Variants in SPDYA observed in about 807,000 individuals in gnomAD.
SPDYA encodes speedy/RINGO cell cycle regulator family member A.
In SPDYA, 11 loss-of-function variants were observed where a neutral mutation model predicts 36.7. That is an observed-to-expected ratio of 0.30 (90% CI 0.19 to 0.50). SPDYA has a LOEUF of 0.50. SPDYA is among the 20% of genes least tolerant of loss of function. The pLI is 0.98. For synonymous variants in SPDYA, 115 were observed against 118.7 expected, an observed-to-expected ratio of 0.97 and a Z score of 0.20; for missense variants, 287 against 370.9, an observed-to-expected ratio of 0.77 and a Z score of 1.86.
At chr2:28,826,604 T>C (rs1668326325) in intron 5 of SPDYA, among the ~76,000 whole-genome samples, 2 of 135,496 alleles carry the variant, frequency 1.5e-5, no homozygotes, top group South Asian at 2.3e-4. Context: ...TTTTTCTTTC[T>C]TTCTCTCTTT....
At chr2:28,844,803 G>GCAC in intron 7 of SPDYA, among the ~76,000 whole-genome samples, 1 of 151,812 alleles carries the variant, frequency 6.6e-6, no homozygotes, top group African/African-American at 2.4e-5. Flanking sequence ...GCATGGTGCG[G>GCAC]GTGCCTGTAG....
Position 28,850,368 on chromosome 2 carries a change from G to A in SPDYA, c.*427G>A. ...GCCAGTGTACTGGTCTAGCAACATA[G>A]GGAAATGATCCATATGGAAAATCAG... On this transcript the variant is annotated 3_prime_UTR_variant, in exon 8 of 8. Transcript: ENST00000334056. 1 of 1,610,028 alleles carries A rather than the reference G, an allele frequency of 6.2e-7. No individual in the cohort carries two copies. The highest frequency in any genetic ancestry group is 8.5e-7 in the Non-Finnish European group (1 of 1,177,884).
chr2:28,840,568 C>T, intron 7 of SPDYA, 99 bp downstream of exon 7: 1 of 1,475,740 alleles, frequency 6.8e-7, no homozygotes, highest in Non-Finnish European at 8.9e-7. Flanking sequence ...TTATATACTC[C>T]AACAATATGA....
intron 5 of SPDYA, among the ~76,000 whole-genome samples, chr2:28,828,283 G>A (rs1375303067): frequency 1.7e-4 from 26 of 151,948 alleles, no homozygotes; most frequent in Admixed American, 1.4e-3. Context: ...CACCACGCCC[G>A]GCCCTCATCT....
At position 28,816,231 on chromosome 2, in the gene SPDYA, G is replaced by A. The variant is rs1019066191; in HGVS notation, c.217G>A (p.Ala73Thr). Reference protein sequence around the residue: ...CLVIQRQDMTAFFKLFDDDLI... With the variant: ...CLVIQRQDMTTFFKLFDDDLI... ...GGTTATACAGCGTCAGGATATGACT[G>A]CTTTCTTTAAATTATTTGGTAGGTT... The change falls in exon 3 of 8, where the codon GCT (alanine) becomes ACT (threonine). Residue 73 changes from alanine (A) to threonine (T), a missense_variant. Physicochemically the swap from Ala to Thr is moderately conservative, Grantham distance 58. Coordinates refer to ENST00000334056, the MANE Select transcript of SPDYA (RefSeq NM_182756.4). The A allele has an allele frequency of 1.3e-6, 2 of 1,598,822 alleles. No homozygotes were observed. Among genetic ancestry groups the A allele is most frequent in the East Asian group, 4.5e-5 (2 of 44,700 alleles).
intron 1 of SPDYA, among the ~76,000 whole-genome samples, chr2:28,812,836 G>A (rs1371430952): frequency 8.6e-6 from 1 of 116,574 alleles, no homozygotes; most frequent in Admixed American, 1.2e-4. Context: ...CAGCCTGGGC[G>A]ACAAGAGCGA....
chr2:28,811,798 A>T lies in SPDYA; in HGVS notation c.-93+851A>T, dbSNP rs57266752. Among the ~76,000 whole-genome samples, 5,550 of 150,664 alleles carry T rather than the reference A, an allele frequency of 0.037. 353 individuals are homozygous for T. Among genetic ancestry groups the T allele is most frequent in the African/African-American group, 0.13 (5,277 of 41,034 alleles). ...AACCCGTCTCTACAAAAAATAACTT[A>T]AAAAAAAAGTATCCTGGCATGGTGG... On this transcript the variant is annotated intron_variant, in intron 1 of 7. Transcript: ENST00000334056. The surrounding 1 kb of genome is among the most constrained non-coding windows in gnomAD (Gnocchi z 4.2).
At position 28,822,308 on chromosome 2, in the gene SPDYA, A is replaced by T. The variant is rs1030976983; in HGVS notation, c.295-17A>T. On this transcript the variant is annotated splice_polypyrimidine_tract_variant and intron_variant, in intron 4 of 7. Coordinates refer to ENST00000334056, the MANE Select transcript of SPDYA (RefSeq NM_182756.4). Reference sequence around the variant, plus strand: ...AAGCAAAACATTAATATTAATTTTTAACTTTTTTCCTTATAGTATCTTTTG... The same window carrying T: ...AAGCAAAACATTAATATTAATTTTTTACTTTTTTCCTTATAGTATCTTTTG... The T allele has an allele frequency of 7.7e-6, 10 of 1,304,582 alleles. No homozygotes were observed. The Admixed American group carries it at 1.9e-4, about 25-fold the overall frequency. The allele number at this position is 1,304,582 out of a possible 1,614,324, so 80.8% of individuals were successfully genotyped here. A position where few individuals can be genotyped will look rare whatever the true frequency, so the allele number is the denominator to read the frequency against.
At position 28,816,257 on chromosome 2, in the gene SPDYA, T is replaced by A; in HGVS notation, c.235+8T>A. On this transcript the variant is annotated splice_region_variant and intron_variant, in intron 3 of 7. Coordinates refer to ENST00000334056, the MANE Select transcript of SPDYA (RefSeq NM_182756.4). ...CTTTCTTTAAATTATTTGGTAGGTT[T>A]AAAATATTGTAATAGTGGTAATTAT... is the stretch of plus-strand genomic sequence containing the variant. 6 of 1,561,220 alleles carry A rather than the reference T, an allele frequency of 3.8e-6. No homozygotes were observed. Among genetic ancestry groups the A allele is most frequent in the Non-Finnish European group, 5.2e-6 (6 of 1,146,658 alleles).
At chr2:28,836,499 CTG>C (rs1668606903) in intron 6 of SPDYA, among the ~76,000 whole-genome samples, 1 of 152,138 alleles carries the variant, frequency 6.6e-6, no homozygotes, top group Admixed American at 6.6e-5. Flanking sequence ...AGAACATGTG[CTG>C]TCTTTTCAAA....
At chr2:28,813,638 G>A (rs1011640137) in intron 1 of SPDYA, among the ~76,000 whole-genome samples, 7 of 150,424 alleles carry the variant, frequency 4.7e-5, no homozygotes, top group Admixed American at 1.3e-4. Context: ...TGCAACCTCC[G>A]CCTCCCGGGT....
chr2:28,825,082 ACTTT>A (rs1668284816), intron 5 of SPDYA, among the ~76,000 whole-genome samples: 1 of 152,214 alleles, frequency 6.6e-6, no homozygotes, highest in African/African-American at 2.4e-5. Flanking sequence ...AAGATTAAGT[ACTTT>A]CTAAGAACAA....
rs752026715 is a variant in SPDYA, at chr2:28,823,748, ATT to A, written c.380+1352_380+1353del. ...ATATATATATATATATATATATAAA[ATT>A]TTTTTTTTTTTTTGAGATGGAGTCT... On this transcript the variant is annotated intron_variant, in intron 5 of 7. Transcript: ENST00000334056. Among the ~76,000 whole-genome samples, 469 of 48,022 alleles carry A rather than the reference ATT, an allele frequency of 9.8e-3. 4 individuals carry two copies. Among genetic ancestry groups the A allele is most frequent in the Middle Eastern group, 0.02 (1 of 50 alleles). The allele number at this position is 48,022 out of a possible 152,430, so 31.5% of individuals were successfully genotyped here. A position where few individuals can be genotyped will look rare whatever the true frequency, so the allele number is the denominator to read the frequency against.
intron 3 of SPDYA, among the ~76,000 whole-genome samples, chr2:28,817,561 A>G (rs182476315): frequency 8.1e-4 from 122 of 150,630 alleles, no homozygotes; most frequent in Non-Finnish European, 1.6e-3. Context: ...AACTGTCTCA[A>G]AAAAAAAGAA....
intron 4 of SPDYA, among the ~76,000 whole-genome samples, chr2:28,820,336 T>C (rs1038913269): frequency 6.6e-6 from 1 of 152,100 alleles, no homozygotes; most frequent in Non-Finnish European, 1.5e-5. Flanking sequence ...CCTGTGATCC[T>C]AGCGCTTGGG....
intron 3 of SPDYA, 47 bp from the exon 4 acceptor site, chr2:28,819,001 A>G (rs971531174): frequency 1.4e-6 from 2 of 1,418,376 alleles, no homozygotes; most frequent in African/African-American, 2.8e-5. Context: ...CTTCAAAAGG[A>G]AACATTCTGT....
chr2:28,848,524 G>A (rs922348661), intron 7 of SPDYA, among the ~76,000 whole-genome samples: 4 of 152,122 alleles, frequency 2.6e-5, no homozygotes, highest in Non-Finnish European at 2.9e-5. Context: ...ACTTCTTTGG[G>A]GGGAATTTAT....
intron 6 of SPDYA, among the ~76,000 whole-genome samples, chr2:28,837,068 T>G (rs891757737): frequency 6.6e-6 from 1 of 152,172 alleles, no homozygotes; most frequent in Admixed American, 6.6e-5. Flanking sequence ...TGATTCCAGA[T>G]TAGGAATTTA....
intron 7 of SPDYA, among the ~76,000 whole-genome samples, chr2:28,847,361 A>G (rs1402052196): frequency 1.3e-5 from 2 of 151,474 alleles, no homozygotes. Flanking sequence ...CAAACAAACA[A>G]ACAAACACTT....
Sources: gnomAD v4.1 joint callset for allele counts (sites outside exome capture counted in the v4.1 genomes callset) on GRCh38, gnomAD v4.1.1 for gene constraint, Gnocchi (gnomAD v3.1) non-coding constraint, MANE v1.5 for transcripts, NCBI Gene and HGNC (gene_info 2026-07-23, HGNC 2026-07-21) for gene names.